CAMK2D: variants seen among roughly 807,000 people sequenced by gnomAD.
The protein encoded by CAMK2D is calcium/calmodulin-dependent protein kinase type II subunit delta.
In CAMK2D, 37 loss-of-function variants were observed where a neutral mutation model predicts 84.0. The ratio of observed to expected loss-of-function variants is 0.44; its 90% CI spans 0.34 to 0.58. CAMK2D has a LOEUF of 0.58. Ranked by LOEUF, CAMK2D falls within the 20% of genes least tolerant of loss-of-function variation. The pLI, the probability that CAMK2D is intolerant of heterozygous loss-of-function variation, is 0.02. For missense variants in CAMK2D, 448 were observed against 652.5 expected, an observed-to-expected ratio of 0.69 and a Z score of 3.41; for synonymous variants, 202 against 212.5, an observed-to-expected ratio of 0.95 and a Z score of 0.43.
intron 2 of CAMK2D, among the ~76,000 whole-genome samples, chr4:113,741,094 C>T (rs1014372906): frequency 5.9e-5 from 9 of 152,068 alleles, no homozygotes; most frequent in African/African-American, 1.9e-4. Context: ...TGCTGCAGTA[C>T]CACAGTGCTG....
intron 2 of CAMK2D, among the ~76,000 whole-genome samples, chr4:113,723,549 CT>C (rs2099537411): frequency 6.6e-6 from 1 of 152,152 alleles, no homozygotes; most frequent in Non-Finnish European, 1.5e-5. Flanking sequence ...ATTGTAACTA[CT>C]TTTCCTACAA....
intron 3 of CAMK2D, among the ~76,000 whole-genome samples, chr4:113,618,682 A>G (rs999247507): frequency 3.3e-5 from 5 of 152,156 alleles, no homozygotes; most frequent in African/African-American, 1.2e-4. Context: ...AGCACTTAAA[A>G]TATCAGTTTA....
intron 4 of CAMK2D, among the ~76,000 whole-genome samples, chr4:113,604,890 T>C (rs1233587027): frequency 6.6e-6 from 1 of 152,214 alleles, no homozygotes; most frequent in African/African-American, 2.4e-5. Flanking sequence ...AATAATTTGA[T>C]GACTGTGGAA....
chr4:113,705,187 C>T (rs1488856860), intron 2 of CAMK2D, among the ~76,000 whole-genome samples: 2 of 150,580 alleles, frequency 1.3e-5, no homozygotes, highest in African/African-American at 2.4e-5. Flanking sequence ...ATTAGCCGGG[C>T]GTGGAGGCAG....
At chr4:113,738,986 A>G (rs893267513) in intron 2 of CAMK2D, among the ~76,000 whole-genome samples, 1 of 152,190 alleles carries the variant, frequency 6.6e-6, no homozygotes, top group Admixed American at 6.5e-5. Context: ...GAATTCAAAG[A>G]TTCCTTCAAA....
Position 113,680,300 on chromosome 4 carries a change from C to T in CAMK2D, c.161-18528G>A, listed in dbSNP as rs139374463. ...CATGAGAAACAACCATGAGGCAAAT[C>T]CAATGTCTCAAACCAGTGGAGCACT... On this transcript the variant is annotated intron_variant, in intron 2 of 20. Coordinates refer to ENST00000511664, the MANE Select transcript of CAMK2D (RefSeq NM_001321571.2). Among the ~76,000 whole-genome samples the T allele has an allele frequency of 4.0e-3, 614 of 152,272 alleles. 5 individuals carry two copies. The highest frequency in any genetic ancestry group is 0.014 in the African/African-American group (575 of 41,548).
chr4:113,629,614 T>C (rs973225187), intron 3 of CAMK2D, among the ~76,000 whole-genome samples: 4 of 152,092 alleles, frequency 2.6e-5, no homozygotes, highest in African/African-American at 7.2e-5. Flanking sequence ...AGGGTCATAA[T>C]GCACAGTTTG....
At chr4:113,543,577 C>G (rs1158153887) in intron 6 of CAMK2D, among the ~76,000 whole-genome samples, 1 of 151,946 alleles carries the variant, frequency 6.6e-6, no homozygotes, top group Non-Finnish European at 1.5e-5. Flanking sequence ...TTCATGCACA[C>G]AAGGTCTGTT....
chr4:113,587,268 G>GT (rs1324791693), intron 4 of CAMK2D, among the ~76,000 whole-genome samples: 2 of 152,154 alleles, frequency 1.3e-5, no homozygotes, highest in Admixed American at 1.3e-4. Context: ...GGAGTTCATG[G>GT]TAAGTGCTTA....
intron 6 of CAMK2D, among the ~76,000 whole-genome samples, chr4:113,543,964 T>G (rs965712634): frequency 6.6e-6 from 1 of 152,014 alleles, no homozygotes; most frequent in Non-Finnish European, 1.5e-5. Flanking sequence ...GCTAATTTTT[T>G]GTATTTTTAG....
intron 2 of CAMK2D, among the ~76,000 whole-genome samples, chr4:113,679,678 G>A (rs1453397138): frequency 6.6e-6 from 1 of 151,946 alleles, no homozygotes; most frequent in Non-Finnish European, 1.5e-5. Context: ...GTGAATTAAA[G>A]AACAAATAAA....
chr4:113,719,502 C>G (rs1215153759), intron 2 of CAMK2D, among the ~76,000 whole-genome samples: 2 of 152,320 alleles, frequency 1.3e-5, no homozygotes, highest in Non-Finnish European at 2.9e-5. Flanking sequence ...TCGTGAATTG[C>G]TATTAAAAGC....
chr4:113,751,776 A>G (rs1465186033), intron 2 of CAMK2D, among the ~76,000 whole-genome samples: 4 of 152,136 alleles, frequency 2.6e-5, no homozygotes, highest in African/African-American at 2.4e-5. Flanking sequence ...TCTCAAAATA[A>G]ATAAATAAAT....
chr4:113,720,230 C>T (rs935397217), intron 2 of CAMK2D, among the ~76,000 whole-genome samples: 3 of 151,940 alleles, frequency 2.0e-5, no homozygotes, highest in Non-Finnish European at 2.9e-5. Context: ...TTTACCTGTG[C>T]CACCAGTTAA....
intron 2 of CAMK2D, among the ~76,000 whole-genome samples, chr4:113,746,887 C>G (rs2099605283): frequency 6.6e-6 from 1 of 150,540 alleles, no homozygotes; most frequent in Non-Finnish European, 1.5e-5. Flanking sequence ...TTATACCAAC[C>G]CTGAGTCACT....
At chr4:113,595,499 AACAGC>A (rs2098921108) in intron 4 of CAMK2D, among the ~76,000 whole-genome samples, 1 of 151,746 alleles carries the variant, frequency 6.6e-6, no homozygotes, top group Non-Finnish European at 1.5e-5. Flanking sequence ...TGAAATAAAT[AACAGC>A]AGTGATACAA....
intron 2 of CAMK2D, among the ~76,000 whole-genome samples, chr4:113,690,644 C>A (rs1313633248): frequency 6.6e-6 from 1 of 152,102 alleles, no homozygotes; most frequent in African/African-American, 2.4e-5. Context: ...CTTTTTGCCA[C>A]GTATGATGAT....
chr4:113,759,497 G>T, intron 1 of CAMK2D, 83 bp from the exon 2 acceptor site: 1 of 750,316 alleles, frequency 1.3e-6, no homozygotes, highest in South Asian at 2.4e-5. Context: ...CATTTTTATT[G>T]ATTTTAGTGG....
intron 9 of CAMK2D, 98 bp downstream of exon 9, chr4:113,517,465 A>C: frequency 1.8e-6 from 1 of 548,686 alleles, no homozygotes; most frequent in Non-Finnish European, 3.3e-6. Context: ...AGAAAGTGGT[A>C]AAAATTATGG....
Sources: gnomAD v4.1 joint callset for allele counts (sites outside exome capture counted in the v4.1 genomes callset) on GRCh38, gnomAD v4.1.1 for gene constraint, MANE v1.5 for transcripts, NCBI Gene and HGNC (gene_info 2026-07-23, HGNC 2026-07-21) for gene names.